Variants in C14orf39 observed in about 807,000 individuals in gnomAD.
C14orf39 encodes chromosome 14 open reading frame 39.
In C14orf39, 66 loss-of-function variants were observed where a neutral mutation model predicts 85.6. The ratio of observed to expected loss-of-function variants is 0.77; its 90% CI spans 0.63 to 0.95. The LOEUF is 0.95. Ranked by LOEUF, C14orf39 falls within the 40% of genes least tolerant of loss-of-function variation. C14orf39 has a pLI of 0.00. For missense variants in C14orf39, 735 were observed against 663.9 expected (o/e 1.11, Z -1.18); for synonymous variants, 242 against 214.0 (o/e 1.13, Z -1.14).
chr14:60,468,606 C>T, intron 8 of C14orf39, 70 bp from the exon 9 acceptor site: 1 of 830,034 alleles, frequency 1.2e-6, no homozygotes, highest in African/African-American at 1.8e-5. Flanking sequence ...TATGCTTTAT[C>T]TTATGTTTTT....
chr14:60,480,228 C>G (rs889648840), intron 4 of C14orf39, among the ~76,000 whole-genome samples: 1 of 152,108 alleles, frequency 6.6e-6, no homozygotes, highest in Admixed American at 6.5e-5. Flanking sequence ...TCAAGACCAG[C>G]CTGGCCAATA....
At chr14:60,456,816 A>G (rs1348337532) in intron 15 of C14orf39, 101 bp downstream of exon 15, 10 of 1,018,646 alleles carry the variant, frequency 9.8e-6, no homozygotes, top group Non-Finnish European at 1.1e-5. Context: ...ACTACATAAT[A>G]AAAACTTGTT....
At chr14:60,455,691 C>T (rs1891242171) in intron 15 of C14orf39, among the ~76,000 whole-genome samples, 2 of 152,072 alleles carry the variant, frequency 1.3e-5, no homozygotes, top group African/African-American at 2.4e-5. Flanking sequence ...AGAGCCAGAA[C>T]GGCCTGGGCT....
At chr14:60,460,602 T>C (rs1274582242) in intron 13 of C14orf39, among the ~76,000 whole-genome samples, 1 of 151,862 alleles carries the variant, frequency 6.6e-6, no homozygotes, top group Non-Finnish European at 1.5e-5. Context: ...ACCAAAAATA[T>C]ATATCCATCT....
intron 1 of C14orf39, among the ~76,000 whole-genome samples, chr14:60,507,710 A>G (rs1230029801): frequency 6.6e-6 from 1 of 152,078 alleles, no homozygotes; most frequent in Non-Finnish European, 1.5e-5. Context: ...TGTGCTATCT[A>G]TCTGCCTTCT....
At chr14:60,450,931 G>A (rs1891002050) in intron 16 of C14orf39, among the ~76,000 whole-genome samples, 1 of 152,194 alleles carries the variant, frequency 6.6e-6, no homozygotes, top group Admixed American at 6.5e-5. Flanking sequence ...AAACAGCACA[G>A]CGTTATTGGG....
At chr14:60,461,242 T>A in intron 13 of C14orf39, 112 bp downstream of exon 13, 1 of 797,570 alleles carries the variant, frequency 1.3e-6, no homozygotes, top group South Asian at 1.7e-5. Context: ...CAGGCGTGCA[T>A]GGTCAGTTAA....
intron 5 of C14orf39, among the ~76,000 whole-genome samples, chr14:60,476,677 T>G (rs542542513): frequency 3.9e-5 from 6 of 152,250 alleles, no homozygotes; most frequent in South Asian, 4.1e-4. Flanking sequence ...ACAGAATCAT[T>G]TTTAAGAATT....
intron 17 of C14orf39, among the ~76,000 whole-genome samples, chr14:60,440,604 T>G (rs893836631): frequency 7.2e-5 from 11 of 152,166 alleles, no homozygotes; most frequent in Non-Finnish European, 1.3e-4. Flanking sequence ...GTTCTCCACA[T>G]AGCAGCCAGA....
intron 1 of C14orf39, among the ~76,000 whole-genome samples, chr14:60,507,058 T>C (rs1346541649): frequency 6.6e-6 from 1 of 152,096 alleles, no homozygotes; most frequent in Admixed American, 6.5e-5. Flanking sequence ...AGCTAGGCGC[T>C]GGGATCGGGG....
At chr14:60,495,615 G>T (rs1019337348) in intron 2 of C14orf39, 1 of 209,764 alleles carries the variant, frequency 4.8e-6, no homozygotes, top group Non-Finnish European at 9.8e-6. Context: ...CTGAAGGTTT[G>T]CCTTTACCTG....
intron 16 of C14orf39, among the ~76,000 whole-genome samples, chr14:60,450,932 C>T (rs187049061): frequency 9.9e-4 from 151 of 152,288 alleles, no homozygotes; most frequent in African/African-American, 3.3e-3. Context: ...AACAGCACAG[C>T]GTTATTGGGC....
chr14:60,465,373 G>A (rs1209618384), intron 11 of C14orf39, among the ~76,000 whole-genome samples: 1 of 152,076 alleles, frequency 6.6e-6, no homozygotes, highest in Non-Finnish European at 1.5e-5. Context: ...CTCTCTGGGT[G>A]GTATGCTCCT....
At chr14:60,510,868 C>A (rs539614748) in intron 1 of C14orf39, among the ~76,000 whole-genome samples, 1 of 152,338 alleles carries the variant, frequency 6.6e-6, no homozygotes. Flanking sequence ...AGAAAGGGCG[C>A]GAATCATGGT....
chr14:60,479,453 G>A (rs529822103), intron 4 of C14orf39, among the ~76,000 whole-genome samples: 47 of 152,240 alleles, frequency 3.1e-4, no homozygotes, highest in Non-Finnish European at 5.7e-4. Context: ...CTCGCTACCT[G>A]GGTGATGGGA....
At chr14:60,486,561 C>T (rs1163047481), upstream of C14orf39, among the ~76,000 whole-genome samples, 11 of 152,130 alleles carry the variant, frequency 7.2e-5, no homozygotes, top group Admixed American at 5.9e-4. Context: ...ACATTTTCTG[C>T]CCAAAATGCT....
chr14:60,452,796 A>AT, intron 16 of C14orf39, among the ~76,000 whole-genome samples: 2 of 144,018 alleles, frequency 1.4e-5, no homozygotes, highest in African/African-American at 5.7e-5. Flanking sequence ...ACCCATAAAA[A>AT]TTAAAAATAA....
chr14:60,471,529 C>T lies in C14orf39; in HGVS notation c.511+23G>A, dbSNP rs774611254. The T allele has an allele frequency of 7.6e-6, 12 of 1,576,620 alleles. No individual in the cohort carries two copies. In the South Asian group the frequency reaches 1.4e-4, roughly 18 times the overall value. ...CATTACAAAGATATCATAATTAAAA[C>T]AATATAACAAAAATATTAATACCTC... On this transcript the variant is annotated intron_variant, in intron 6 of 17. Coordinates refer to ENST00000321731, the MANE Select transcript of C14orf39 (RefSeq NM_174978.3).
intron 1 of C14orf39, among the ~76,000 whole-genome samples, chr14:60,504,109 T>G (rs1893177191): frequency 6.6e-6 from 1 of 152,182 alleles, no homozygotes; most frequent in Non-Finnish European, 1.5e-5. Context: ...AAATGTCCCC[T>G]GGAAGTGGGG....
Sources: allele counts gnomAD v4.1 joint callset (sites outside exome capture counted in the v4.1 genomes callset), GRCh38; gene constraint gnomAD v4.1.1; transcripts MANE v1.5; gene names NCBI Gene and HGNC (gene_info 2026-07-23, HGNC 2026-07-21).